The following KIAA1549L variants were observed in gnomAD, a reference collection of about 807,000 sequenced individuals.
KIAA1549L encodes UPF0606 protein KIAA1549L.
A neutral mutation model predicts 160.7 loss-of-function variants in KIAA1549L; 88 were observed. That is an observed-to-expected ratio of 0.55 (90% confidence interval 0.46 to 0.65). KIAA1549L has a LOEUF of 0.65. Among genes scored for constraint, KIAA1549L ranks in the 30% least tolerant of loss-of-function variants. KIAA1549L has a pLI of 0.00. For synonymous variants in KIAA1549L, 950 were observed against 976.7 expected, an observed-to-expected ratio of 0.97 and a Z score of 0.51; for missense variants, 2,258 against 2,437.5, an observed-to-expected ratio of 0.93 and a Z score of 1.55.
rs1849951132 is a variant in KIAA1549L, at chr11:33,376,303, C to T, written c.-349C>T. ...CCGCCACCCCCGTTCCCGGCAGCCTCGCCCCCTAGTTCTGCAGGAGCCGGC... is the reference window on the plus strand; with the variant it reads ...CCGCCACCCCCGTTCCCGGCAGCCTTGCCCCCTAGTTCTGCAGGAGCCGGC... On this transcript the variant is annotated 5_prime_UTR_variant, in exon 1 of 21. Transcript: ENST00000658780. This position sits in a 1 kb window ranked among gnomAD's most constrained non-coding sequence, Gnocchi z 5.8. Among the ~76,000 whole-genome samples, 4 of 148,822 alleles carry T rather than the reference C, an allele frequency of 2.7e-5. No individual in the cohort carries two copies. In the South Asian group the frequency reaches 8.3e-4, roughly 31 times the overall value.
chr11:33,553,906 A>G (rs1337180253), intron 6 of KIAA1549L, among the ~76,000 whole-genome samples: 1 of 152,222 alleles, frequency 6.6e-6, no homozygotes, highest in East Asian at 1.9e-4. Context: ...TAAATCAAGT[A>G]ACAAACCTTC....
intron 11 of KIAA1549L, among the ~76,000 whole-genome samples, chr11:33,588,978 C>G (rs1039746454): frequency 4.6e-5 from 7 of 152,184 alleles, no homozygotes; most frequent in Non-Finnish European, 8.8e-5. Flanking sequence ...TGAGATTTGA[C>G]AGGTTAGGCC....
intron 13 of KIAA1549L, among the ~76,000 whole-genome samples, chr11:33,605,394 G>A (rs1157009765): frequency 1.3e-5 from 2 of 152,028 alleles, no homozygotes; most frequent in Non-Finnish European, 2.9e-5. Context: ...GAGCTGCCCA[G>A]CAAAACTACA....
intron 11 of KIAA1549L, among the ~76,000 whole-genome samples, chr11:33,587,112 T>C (rs1234379801): frequency 6.6e-6 from 1 of 152,240 alleles, no homozygotes; most frequent in Non-Finnish European, 1.5e-5. Flanking sequence ...TAAGTTAATA[T>C]ATATACATCA....
intron 1 of KIAA1549L, among the ~76,000 whole-genome samples, chr11:33,409,235 G>A (rs1850737884): frequency 6.6e-6 from 1 of 152,164 alleles, no homozygotes; most frequent in Admixed American, 6.5e-5. Context: ...TGAAACCCCA[G>A]TGTTTTTGAG....
chr11:33,485,105 T>C (rs1415477009), intron 1 of KIAA1549L, among the ~76,000 whole-genome samples: 1 of 152,152 alleles, frequency 6.6e-6, no homozygotes, highest in South Asian at 2.1e-4. Flanking sequence ...AGGACACAAG[T>C]TGGGGGGCTT....
intron 10 of KIAA1549L, among the ~76,000 whole-genome samples, chr11:33,581,071 G>T (rs190872139): frequency 9.5e-4 from 144 of 152,304 alleles, no homozygotes; most frequent in Non-Finnish European, 1.8e-3. Context: ...CAGAGTCGTA[G>T]CTGTGAGGTC....
At chr11:33,419,131 C>T (rs368372210) in intron 1 of KIAA1549L, among the ~76,000 whole-genome samples, 1 of 152,140 alleles carries the variant, frequency 6.6e-6, no homozygotes, top group African/African-American at 2.4e-5. Flanking sequence ...CCTCAGCTTC[C>T]CAAAGTGCTG....
Position 33,610,071 on chromosome 11 carries a change from G to GA in KIAA1549L, c.5279+106dup, listed in dbSNP as rs1850611043. 3.0e-5 allele frequency: 24 copies of GA among 798,772 alleles called. No homozygotes were observed. In the South Asian group the frequency reaches 3.8e-4, roughly 13 times the overall value. The allele number at this position is 798,772 out of a possible 1,614,324, so 49.5% of individuals were successfully genotyped here. On this transcript the variant is annotated intron_variant, in intron 15 of 20. Coordinates refer to ENST00000658780, the MANE Select transcript of KIAA1549L (RefSeq NM_012194.3). ...TCCTTATCTGGTACTGTAGGATTGT[G>GA]ATCTTTGCAGTCCACTGATTTGTAC... is the stretch of plus-strand genomic sequence containing the variant.
At chr11:33,385,065 AAT>A (rs1850148211) in intron 1 of KIAA1549L, among the ~76,000 whole-genome samples, 1 of 152,104 alleles carries the variant, frequency 6.6e-6, no homozygotes, top group South Asian at 2.1e-4. Context: ...CAAGGTCACA[AAT>A]ATCTATGATT....
intron 1 of KIAA1549L, among the ~76,000 whole-genome samples, chr11:33,500,316 A>G (rs1852917952): frequency 6.6e-6 from 1 of 152,234 alleles, no homozygotes; most frequent in African/African-American, 2.4e-5. Context: ...TACTGATATG[A>G]GAATTAAATG....
chr11:33,608,177 G>A (rs1277284732), intron 14 of KIAA1549L, among the ~76,000 whole-genome samples: 1 of 152,218 alleles, frequency 6.6e-6, no homozygotes, highest in Non-Finnish European at 1.5e-5. Flanking sequence ...CCTTAAGCAT[G>A]TTAGTTCATT....
At chr11:33,610,750 A>T in intron 15 of KIAA1549L, among the ~76,000 whole-genome samples, 1 of 152,238 alleles carries the variant, frequency 6.6e-6, no homozygotes, top group Non-Finnish European at 1.5e-5. Context: ...CATCTGTCTT[A>T]GTTCTTTTTG....
At chr11:33,505,351 AATG>A (rs1554983987) in intron 1 of KIAA1549L, among the ~76,000 whole-genome samples, 1 of 152,172 alleles carries the variant, frequency 6.6e-6, no homozygotes, top group Non-Finnish European at 1.5e-5. Flanking sequence ...GCTTTTAGTC[AATG>A]ATGATTGAAA....
intron 9 of KIAA1549L, among the ~76,000 whole-genome samples, chr11:33,573,987 T>TC (rs1855359538): frequency 1.3e-5 from 2 of 152,252 alleles, no homozygotes; most frequent in African/African-American, 4.8e-5. Flanking sequence ...AAGATGCAAG[T>TC]AAAAATTGCA....
At chr11:33,377,333 T>C (rs1374899762) in intron 1 of KIAA1549L, among the ~76,000 whole-genome samples, 1 of 152,188 alleles carries the variant, frequency 6.6e-6, no homozygotes, top group Non-Finnish European at 1.5e-5. Context: ...CAGTTTCTCC[T>C]GTGTTGATAG....
At chr11:33,446,749 A>G (rs929802215) in intron 1 of KIAA1549L, among the ~76,000 whole-genome samples, 1 of 152,102 alleles carries the variant, frequency 6.6e-6, no homozygotes, top group African/African-American at 2.4e-5. Context: ...CTTCTTTTCC[A>G]CATGGGCGTC....
At chr11:33,482,259 G>A (rs1204156850) in intron 1 of KIAA1549L, among the ~76,000 whole-genome samples, 2 of 151,928 alleles carry the variant, frequency 1.3e-5, no homozygotes, top group Non-Finnish European at 2.9e-5. Context: ...CTATAACCAC[G>A]TCATCTTGAA....
At chr11:33,664,404 C>T (rs778795017) in intron 20 of KIAA1549L, among the ~76,000 whole-genome samples, 27 of 152,314 alleles carry the variant, frequency 1.8e-4, no homozygotes, top group South Asian at 4.1e-4. Flanking sequence ...GAGGGATCAC[C>T]GGAACATCCA....
Sources: allele counts gnomAD v4.1 joint callset (sites outside exome capture counted in the v4.1 genomes callset), GRCh38; gene constraint gnomAD v4.1.1; non-coding constraint Gnocchi (gnomAD v3.1); transcripts MANE v1.5; gene names NCBI Gene and HGNC (gene_info 2026-07-23, HGNC 2026-07-21).